Variants in ARID5B observed in about 807,000 individuals in gnomAD.
The protein encoded by ARID5B is AT-rich interactive domain-containing protein 5B.
ARID5B carries 13 observed loss-of-function variants against 97.2 expected under a neutral mutation model. The observed-to-expected ratio is 0.13, with a 90% CI of 0.09 to 0.21. ARID5B has a LOEUF of 0.21. ARID5B is among the 10% of genes least tolerant of loss of function. ARID5B has a pLI of 1.00. For synonymous variants in ARID5B, 556 were observed against 570.3 expected, an observed-to-expected ratio of 0.97 and a Z score of 0.36; for missense variants, 1,210 against 1,465.3, an observed-to-expected ratio of 0.83 and a Z score of 2.84.
Position 62,091,833 on chromosome 10 carries a change from G to A in ARID5B, c.2370G>A (p.Lys790=). 1 of 1,614,080 alleles carries A rather than the reference G, an allele frequency of 6.2e-7. No homozygotes were observed. The highest frequency in any genetic ancestry group is 8.5e-7 in the Non-Finnish European group (1 of 1,179,990). ...RSDPHRCSFS[K]HHLNPLADSY... Reference sequence around the variant, plus strand: ...ATCCCCACCGCTGCAGCTTCTCCAAGCATCACCTTAACCCCCTTGCTGACT... The same window carrying A: ...ATCCCCACCGCTGCAGCTTCTCCAAACATCACCTTAACCCCCTTGCTGACT... Residue 790 remains lysine (K), a synonymous_variant, in exon 10 of 10, where the codon AAG becomes AAA. Coordinates refer to ENST00000279873, the MANE Select transcript of ARID5B (RefSeq NM_032199.3).
intron 4 of ARID5B, among the ~76,000 whole-genome samples, chr10:62,029,419 AG>A (rs1179919053): frequency 1.3e-5 from 2 of 152,272 alleles, no homozygotes; most frequent in Non-Finnish European, 2.9e-5. Context: ...TTAATTGCAT[AG>A]AGAAGACATT....
At chr10:61,915,125 T>G (rs1001367361) in intron 2 of ARID5B, among the ~76,000 whole-genome samples, 1 of 152,190 alleles carries the variant, frequency 6.6e-6, no homozygotes, top group African/African-American at 2.4e-5. Context: ...TAATACACTT[T>G]GAAAGGGCAC....
chr10:61,910,739 A>G (rs745388809), intron 2 of ARID5B, among the ~76,000 whole-genome samples: 2 of 152,222 alleles, frequency 1.3e-5, no homozygotes, highest in Non-Finnish European at 2.9e-5. Flanking sequence ...TCTCGCACAC[A>G]CTTGGGTAAA....
chr10:61,947,296 T>A (rs2132806695), intron 3 of ARID5B, among the ~76,000 whole-genome samples: 1 of 139,292 alleles, frequency 7.2e-6, no homozygotes, highest in Non-Finnish European at 1.5e-5. Context: ...TGAGACAGGG[T>A]CTCACTGCAT....
intron 3 of ARID5B, among the ~76,000 whole-genome samples, chr10:61,963,401 G>T (rs549292132): frequency 6.6e-6 from 1 of 152,230 alleles, no homozygotes; most frequent in African/African-American, 2.4e-5. Context: ...TAATGGCAGA[G>T]ATACTGAAAG....
intron 3 of ARID5B, among the ~76,000 whole-genome samples, chr10:61,951,327 G>A (rs543915441): frequency 6.6e-6 from 1 of 152,176 alleles, no homozygotes; most frequent in Non-Finnish European, 1.5e-5. Context: ...TTCATTTGGT[G>A]TGCTTGGATG....
chr10:61,923,383 A>C (rs1210778613), intron 2 of ARID5B, among the ~76,000 whole-genome samples: 1 of 152,134 alleles, frequency 6.6e-6, no homozygotes. Flanking sequence ...CTTTTGCATC[A>C]GATTTTGTTT....
intron 3 of ARID5B, among the ~76,000 whole-genome samples, chr10:61,985,456 G>A (rs1371944466): frequency 6.6e-6 from 1 of 151,886 alleles, no homozygotes; most frequent in African/African-American, 2.4e-5. Flanking sequence ...CCATTTTGAT[G>A]TTAAATCCTT....
At chr10:61,960,653 T>G (rs948176784) in intron 3 of ARID5B, among the ~76,000 whole-genome samples, 1 of 151,000 alleles carries the variant, frequency 6.6e-6, no homozygotes, top group Non-Finnish European at 1.5e-5. Context: ...AGAAGCCCTT[T>G]TTTTTCCCCT....
At chr10:61,908,799 C>CAAAAAAAAAAAAAAA (rs369792859) in intron 2 of ARID5B, among the ~76,000 whole-genome samples, 1 of 50,988 alleles carries the variant, frequency 2.0e-5, no homozygotes, top group Non-Finnish European at 3.5e-5. Flanking sequence ...GACTCCATCT[C>CAAAAAAAAAAAAAAA]AAAAAAAAAA....
intron 8 of ARID5B, among the ~76,000 whole-genome samples, chr10:62,080,100 G>A (rs1390982752): frequency 2.0e-5 from 3 of 152,104 alleles, no homozygotes; most frequent in African/African-American, 2.4e-5. Context: ...GATGGGCCCC[G>A]CTATAGGCTC....
intron 2 of ARID5B, among the ~76,000 whole-genome samples, chr10:61,917,597 C>A (rs1307738586): frequency 6.6e-6 from 1 of 152,220 alleles, no homozygotes; most frequent in Non-Finnish European, 1.5e-5. Context: ...GTGGGCCAAA[C>A]AAAATGTGTC....
rs57902062 is a variant in ARID5B at position 62,093,651 on chromosome 10, C to CTTTTTTTTTTTTT, written c.*636_*648dup. 2.5e-5 allele frequency: 2 copies of CTTTTTTTTTTTTT among 78,690 alleles called. No individual in the cohort carries two copies. Among genetic ancestry groups the CTTTTTTTTTTTTT allele is most frequent in the East Asian group, 1.6e-4 (1 of 6,234 alleles). The allele number at this position is 78,690 out of a possible 1,614,324, so 4.9% of individuals were successfully genotyped here. On this transcript the variant is annotated 3_prime_UTR_variant, in exon 10 of 10. Coordinates refer to ENST00000279873, the MANE Select transcript of ARID5B (RefSeq NM_032199.3). ...CCATTTTCTCCCAGTTCCTTCTCGT[C>CTTTTTTTTTTTTT]TTTTTTTTTTTTTTTTTTTTTTTTT...
At chr10:61,933,944 A>G (rs147626605) in intron 2 of ARID5B, among the ~76,000 whole-genome samples, 85 of 152,338 alleles carry the variant, frequency 5.6e-4, no homozygotes, top group African/African-American at 1.9e-3. Context: ...AAAGTCCTAG[A>G]TGGTCTTTTT....
intron 3 of ARID5B, among the ~76,000 whole-genome samples, chr10:61,953,075 G>A (rs773752654): frequency 6.6e-6 from 1 of 151,734 alleles, no homozygotes; most frequent in African/African-American, 2.4e-5. Flanking sequence ...ATTGTAGCAC[G>A]ACATCTAGTG....
At position 62,096,398 on chromosome 10, in the gene ARID5B, CT is replaced by C. The variant is rs1840471098; in HGVS notation, c.*3369del. 4.3e-6 allele frequency: 1 copy of C among 233,498 alleles called. No individual in the cohort carries two copies. Among genetic ancestry groups the C allele is most frequent in the African/African-American group, 2.2e-5 (1 of 45,344 alleles). 14.5% of individuals were successfully genotyped at this position (233,498 alleles called of 1,614,324 possible). On this transcript the variant is annotated 3_prime_UTR_variant, in exon 10 of 10. Transcript: ENST00000279873. ...TTGGTGGTGGTCAGCCAAGTCGCAT[CT>C]GGTCTAGTTTTACTCTTGTCCCAAT... is the stretch of plus-strand genomic sequence containing the variant.
chr10:61,962,489 CAG>C (rs1838485568), intron 3 of ARID5B, among the ~76,000 whole-genome samples: 2 of 152,276 alleles, frequency 1.3e-5, no homozygotes, highest in Admixed American at 1.3e-4. Flanking sequence ...CGTTGGTAGT[CAG>C]AACATTACAT....
intron 8 of ARID5B, among the ~76,000 whole-genome samples, chr10:62,079,967 G>A (rs891691557): frequency 6.6e-6 from 1 of 152,198 alleles, no homozygotes; most frequent in Admixed American, 6.5e-5. Flanking sequence ...GAATACAGGT[G>A]ATGCTAGTTA....
At position 62,093,666 on chromosome 10, in the gene ARID5B, T is replaced by G. The variant is rs1377990688; in HGVS notation, c.*636T>G. 5.7e-5 allele frequency: 13 copies of G among 227,934 alleles called. No individual in the cohort carries two copies. The highest frequency in any genetic ancestry group is 2.9e-4 in the African/African-American group (13 of 44,396). 14.1% of individuals were successfully genotyped at this position (227,934 alleles called of 1,614,324 possible). The stretch of plus-strand genomic sequence containing the variant: ...TCCTTCTCGTCTTTTTTTTTTTTTT[T>G]TTTTTTTTTTTTATTAAATGGTATT... On this transcript the variant is annotated 3_prime_UTR_variant, in exon 10 of 10. Coordinates refer to ENST00000279873, the MANE Select transcript of ARID5B (RefSeq NM_032199.3).
Sources: gnomAD v4.1 joint callset for allele counts (sites outside exome capture counted in the v4.1 genomes callset) on GRCh38, gnomAD v4.1.1 for gene constraint, MANE v1.5 for transcripts, NCBI Gene and HGNC (gene_info 2026-07-23, HGNC 2026-07-21) for gene names.